FSIP1: variants seen among roughly 807,000 people sequenced by gnomAD.
FSIP1 encodes the protein fibrous sheath interacting protein 1.
A neutral mutation model predicts 60.9 loss-of-function variants in FSIP1; 65 were observed. The observed-to-expected ratio is 1.07, with a 90% CI of 0.87 to 1.31. FSIP1 has a LOEUF of 1.31. Among genes scored for constraint, FSIP1 ranks in the 40% most tolerant of loss-of-function variants. The pLI, the probability that FSIP1 is intolerant of heterozygous loss-of-function variation, is 0.00. For synonymous variants in FSIP1, 209 were observed against 221.2 expected (o/e 0.94, Z 0.49); for missense variants, 675 against 665.5 (o/e 1.01, Z -0.16).
At chr15:39,743,688 A>G (rs1296471437) in intron 5 of FSIP1, among the ~76,000 whole-genome samples, 1 of 152,228 alleles carries the variant, frequency 6.6e-6, no homozygotes, top group African/African-American at 2.4e-5. Context: ...TAACTTTACC[A>G]TGAAGAAACC....
At position 39,770,596 on chromosome 15, in the gene FSIP1, G is replaced by A; in HGVS notation, c.141C>T (p.Ser47=). The change falls in exon 3 of 12, where the codon AGC becomes AGT. Residue 47 remains serine, a synonymous_variant. Transcript: ENST00000350221. ...GGTCCTCTTTACCAGAGTTCAAGTT[G>A]CTTGCAGTATCGACCTAAAAATAAT... ...EPGSFKVDTA[S]NLNSGKEDHS... 1 of 1,523,042 alleles carries A rather than the reference G, an allele frequency of 6.6e-7. No individual in the cohort carries two copies. Among genetic ancestry groups the A allele is most frequent in the Non-Finnish European group, 8.8e-7 (1 of 1,138,990 alleles). The allele number at this position is 1,523,042 out of a possible 1,614,324, so 94.3% of individuals were successfully genotyped here.
chr15:39,617,768 G>C lies in FSIP1; in HGVS notation c.1666C>G (p.Leu556Val). 1.2e-6 allele frequency: 2 copies of C among 1,613,820 alleles called. No individual in the cohort carries two copies. The highest frequency in any genetic ancestry group is 1.7e-6 in the Non-Finnish European group (2 of 1,179,840). ...GTATTCTCTGGAGAACTGAGTTTCAGATGTTGGTCTTCTGATGAAAGGCTC... is the reference window on the plus strand; with the variant it reads ...GTATTCTCTGGAGAACTGAGTTTCACATGTTGGTCTTCTGATGAAAGGCTC... ...SVSLSSEDQH[L>V]KLSSPENTIA... Residue 556 changes from leucine to valine, a missense_variant, in exon 11 of 12, where the codon CTG becomes GTG. Physicochemically the swap from Leu to Val is conservative, Grantham distance 32 (BLOSUM62 1). Coordinates refer to ENST00000350221, the MANE Select transcript of FSIP1 (RefSeq NM_152597.5).
intron 9 of FSIP1, among the ~76,000 whole-genome samples, chr15:39,715,098 C>T (rs1895688736): frequency 1.3e-5 from 2 of 152,160 alleles, no homozygotes; most frequent in African/African-American, 2.4e-5. Context: ...ACCAGTCACC[C>T]TGTTGATTCC....
At chr15:39,752,269 T>C (rs1052882653) in intron 5 of FSIP1, among the ~76,000 whole-genome samples, 3 of 152,008 alleles carry the variant, frequency 2.0e-5, no homozygotes, top group Non-Finnish European at 4.4e-5. Context: ...TTGATTTCTG[T>C]ACATGGTAAG....
At chr15:39,777,060 G>A (rs1280602674) in intron 1 of FSIP1, among the ~76,000 whole-genome samples, 2 of 151,900 alleles carry the variant, frequency 1.3e-5, no homozygotes, top group African/African-American at 4.8e-5. Context: ...CCAAGTAGCT[G>A]GGATTACAGG....
At chr15:39,744,050 A>G (rs370489714) in intron 5 of FSIP1, among the ~76,000 whole-genome samples, 1 of 152,222 alleles carries the variant, frequency 6.6e-6, no homozygotes, top group East Asian at 1.9e-4. Flanking sequence ...ATAATTGCAA[A>G]ATAATCATTT....
chr15:39,756,860 A>G (rs977760797), intron 5 of FSIP1, among the ~76,000 whole-genome samples: 2 of 152,106 alleles, frequency 1.3e-5, no homozygotes, highest in African/African-American at 4.8e-5. Flanking sequence ...TCCAGCTTTC[A>G]CATCATTAAG....
intron 1 of FSIP1, among the ~76,000 whole-genome samples, chr15:39,778,556 G>A (rs1293282018): frequency 6.6e-6 from 1 of 152,170 alleles, no homozygotes; most frequent in Admixed American, 6.5e-5. Flanking sequence ...TTAAGCATTT[G>A]AGAAGAAATT....
At chr15:39,709,678 A>G (rs946725844) in intron 10 of FSIP1, among the ~76,000 whole-genome samples, 17 of 151,982 alleles carry the variant, frequency 1.1e-4, no homozygotes, top group African/African-American at 4.1e-4. Context: ...GGGGAGGGGT[A>G]TGGTTTTTGG....
intron 10 of FSIP1, among the ~76,000 whole-genome samples, chr15:39,663,252 T>G (rs1893369521): frequency 6.6e-6 from 1 of 152,190 alleles, no homozygotes; most frequent in African/African-American, 2.4e-5. Context: ...CTGACACTTG[T>G]GTATATGTTT....
chr15:39,739,120 G>T (rs573344664), intron 7 of FSIP1, among the ~76,000 whole-genome samples: 7 of 152,274 alleles, frequency 4.6e-5, no homozygotes, highest in African/African-American at 1.7e-4. Flanking sequence ...AAGACAGGCT[G>T]CAAGGCCTGT....
At chr15:39,756,932 G>A (rs1897318319) in intron 5 of FSIP1, among the ~76,000 whole-genome samples, 2 of 151,976 alleles carry the variant, frequency 1.3e-5, no homozygotes, top group African/African-American at 2.4e-5. Flanking sequence ...GTGTCTGCAG[G>A]GTGTAGAGCA....
At chr15:39,611,715 G>A (rs1429811285) in intron 11 of FSIP1, among the ~76,000 whole-genome samples, 2 of 152,172 alleles carry the variant, frequency 1.3e-5, no homozygotes, top group African/African-American at 4.8e-5. Context: ...AACACATAGA[G>A]TGGCTGAATG....
intron 6 of FSIP1, among the ~76,000 whole-genome samples, chr15:39,740,981 T>C (rs945006300): frequency 6.6e-6 from 1 of 152,134 alleles, no homozygotes; most frequent in Admixed American, 6.5e-5. Context: ...TTTTTAACAA[T>C]CACGTAATTA....
chr15:39,627,979 T>C (rs531383465), intron 10 of FSIP1, among the ~76,000 whole-genome samples: 1 of 152,272 alleles, frequency 6.6e-6, no homozygotes, highest in South Asian at 2.1e-4. Flanking sequence ...GGTTAGCAGC[T>C]CCAACCAGCC....
chr15:39,620,120 G>C (rs962570748), intron 10 of FSIP1, among the ~76,000 whole-genome samples: 2 of 152,046 alleles, frequency 1.3e-5, no homozygotes, highest in African/African-American at 4.8e-5. Flanking sequence ...CAGAAAATTA[G>C]GCAAAAGAAA....
intron 11 of FSIP1, among the ~76,000 whole-genome samples, chr15:39,604,409 C>G (rs1446217852): frequency 6.6e-6 from 1 of 152,162 alleles, no homozygotes; most frequent in Non-Finnish European, 1.5e-5. Context: ...AATTAAATAT[C>G]AAAACTCTCA....
intron 10 of FSIP1, among the ~76,000 whole-genome samples, chr15:39,662,945 C>G (rs972645779): frequency 6.6e-6 from 1 of 152,110 alleles, no homozygotes; most frequent in Non-Finnish European, 1.5e-5. Context: ...CATTTTCTCA[C>G]TGGCAAAAAA....
rs191620733 is a variant in FSIP1, at chr15:39,650,171, G to A, written c.1189-31926C>T. Among the ~76,000 whole-genome samples, 341 of 152,322 alleles carry A rather than the reference G, an allele frequency of 2.2e-3. 3 individuals are homozygous for A. The highest frequency in any genetic ancestry group is 3.5e-3 in the Non-Finnish European group (235 of 68,034). On this transcript the variant is annotated intron_variant, in intron 10 of 11. Coordinates refer to ENST00000350221, the MANE Select transcript of FSIP1 (RefSeq NM_152597.5). ...TCAGTTGGACAGGTTTCTCTACTAT[G>A]GAATTCTCAGAGGCTTTAATAAGCT...
Sources: allele counts gnomAD v4.1 joint callset (sites outside exome capture counted in the v4.1 genomes callset), GRCh38; gene constraint gnomAD v4.1.1; transcripts MANE v1.5; gene names NCBI Gene and HGNC (gene_info 2026-07-23, HGNC 2026-07-21).